Variants in DYNC2I1 observed in about 807,000 individuals in gnomAD.
DYNC2I1 encodes the protein dynein 2 intermediate chain 1, also known as cytoplasmic dynein 2 intermediate chain 1.
A neutral mutation model predicts 133.4 loss-of-function variants in DYNC2I1; 89 were observed. That is an observed-to-expected ratio of 0.67 (90% CI 0.56 to 0.80). DYNC2I1 has a LOEUF of 0.80. Among genes scored for constraint, DYNC2I1 ranks in the 30% least tolerant of loss-of-function variants. DYNC2I1 has a pLI of 0.00. For synonymous variants in DYNC2I1, 504 were observed against 484.3 expected (o/e 1.04, Z -0.54); for missense variants, 1,291 against 1,314.5 (o/e 0.98, Z 0.28).
Position 158,930,504 on chromosome 7 carries a change from G to C in DYNC2I1, c.2535G>C (p.Gln845His), listed in dbSNP as rs1010671135. 1.7e-5 allele frequency: 27 copies of C among 1,612,738 alleles called. No individual in the cohort carries two copies. Among genetic ancestry groups the C allele is most frequent in the Non-Finnish European group, 2.2e-5 (26 of 1,179,512 alleles). Residue 845 changes from glutamine to histidine, a missense_variant, in exon 21 of 25, where the codon CAG (glutamine) becomes CAC (histidine). Transcript: ENST00000407559. ...AGCTGGTACATAGTGCTCTGATCCA[G>C]TTGGGTGACAGGTAAGATGTGAGGG... ...RVKLVHSALI[Q>H]LGDSLSHKGN...
intron 11 of DYNC2I1, among the ~76,000 whole-genome samples, chr7:158,910,114 A>G (rs138319839): frequency 1.1e-4 from 16 of 152,380 alleles, no homozygotes; most frequent in Non-Finnish European, 1.8e-4. Flanking sequence ...TTTATATCCC[A>G]GTGAGGAGTA....
chr7:158,916,199 A>G (rs1391365138), intron 14 of DYNC2I1, among the ~76,000 whole-genome samples: 15 of 82,602 alleles, frequency 1.8e-4, no homozygotes. Context: ...GACATTAAGG[A>G]TGATTGTGAA....
Position 158,906,001 on chromosome 7 carries a change from C to G in DYNC2I1, c.1370C>G (p.Ser457Cys), listed in dbSNP as rs144444098. 2 of 1,613,482 alleles carry G rather than the reference C, an allele frequency of 1.2e-6. No individual in the cohort carries two copies. The highest frequency in any genetic ancestry group is 1.3e-5 in the African/African-American group (1 of 74,900). The stretch of plus-strand genomic sequence containing the variant: ...CTCCCTCACACAGATACAAACAGTT[C>G]CCCTTCCAGAGCCTCTGTTTGTGGA... ...EKEPRTDTNS[S>C]PSRASVCGIF... The change falls in exon 11 of 25, where the codon TCC (serine) becomes TGC (cysteine). Residue 457 changes from serine (S) to cysteine (C), a missense_variant. Ser to Cys is a moderately radical substitution (Grantham distance 112). Transcript: ENST00000407559.
chr7:158,927,202 G>C (rs1849709480), intron 20 of DYNC2I1, among the ~76,000 whole-genome samples, 159 bp downstream of exon 20: 1 of 152,034 alleles, frequency 6.6e-6, no homozygotes, highest in South Asian at 2.1e-4. Context: ...AGGAGTTCCA[G>C]ACCAGCCTGG....
intron 5 of DYNC2I1, among the ~76,000 whole-genome samples, chr7:158,881,547 A>G (rs1020116962): frequency 3.3e-5 from 5 of 152,080 alleles, no homozygotes; most frequent in African/African-American, 9.6e-5. Flanking sequence ...TTGGCCTCCC[A>G]GGTTCACGCC....
chr7:158,850,307 C>T, the DYNC2I1 span, among the ~76,000 whole-genome samples: 46 of 152,312 alleles, frequency 3.0e-4, no homozygotes, highest in African/African-American at 1.0e-3. Context: ...TACAGTTGCA[C>T]GTCCAGCTGC....
chr7:158,855,819 T>C (rs1267134315), upstream of DYNC2I1, among the ~76,000 whole-genome samples: 2 of 152,210 alleles, frequency 1.3e-5, no homozygotes, highest in African/African-American at 4.8e-5. Context: ...TTACGTGTTG[T>C]ATAAAAACAG....
rs200716171 is a variant in DYNC2I1, at chr7:158,883,209, TTTC to T, written c.880-1346_880-1344del. On this transcript the variant is annotated intron_variant, in intron 5 of 24. Transcript: ENST00000407559. ...CTCTCACTTTCTCTATATGATATTT[TTTC>T]TTCTTCTTTTTTTTTTTTTTTTTGA... Among the ~76,000 whole-genome samples, 107 of 150,518 alleles carry T rather than the reference TTTC, an allele frequency of 7.1e-4. No individual in the cohort carries two copies. In the East Asian group the frequency reaches 0.015, roughly 21 times the overall value.
At chr7:158,932,946 G>A (rs1315970001) in intron 21 of DYNC2I1, among the ~76,000 whole-genome samples, 2 of 152,334 alleles carry the variant, frequency 1.3e-5, no homozygotes, top group African/African-American at 2.4e-5. Context: ...ATAGGAGCAG[G>A]GAGGGTTGGG....
At chr7:158,922,023 A>G (rs1399322545) in intron 15 of DYNC2I1, among the ~76,000 whole-genome samples, 1 of 152,126 alleles carries the variant, frequency 6.6e-6, no homozygotes, top group Non-Finnish European at 1.5e-5. Context: ...TGTATTAGCA[A>G]TGTTCTAAAG....
At chr7:158,861,840 G>A (rs949707877) in intron 1 of DYNC2I1, among the ~76,000 whole-genome samples, 7 of 152,150 alleles carry the variant, frequency 4.6e-5, no homozygotes, top group African/African-American at 7.2e-5. Flanking sequence ...AGTTTTCTTC[G>A]TTACCGTTTT....
intron 24 of DYNC2I1, among the ~76,000 whole-genome samples, chr7:158,944,234 G>C (rs1851664030): frequency 6.6e-6 from 1 of 152,102 alleles, no homozygotes. Context: ...GAGCCTTGTG[G>C]TGGCTCAGTG....
At chr7:158,955,120 G>A (rs933708704) in intron 4 of DYNC2I1, among the ~76,000 whole-genome samples, 2 of 152,252 alleles carry the variant, frequency 1.3e-5, no homozygotes, top group Non-Finnish European at 2.9e-5. Context: ...GAAGAGGCAC[G>A]TTGAAACATT....
At chr7:158,906,549 C>G (rs754526332) in intron 11 of DYNC2I1, among the ~76,000 whole-genome samples, 1 of 152,244 alleles carries the variant, frequency 6.6e-6, no homozygotes, top group African/African-American at 2.4e-5. Flanking sequence ...ACCTCTGCCT[C>G]CCGGGTTCAA....
intron 23 of DYNC2I1, among the ~76,000 whole-genome samples, chr7:158,937,420 A>T (rs559494635): frequency 6.6e-6 from 1 of 151,198 alleles, no homozygotes; most frequent in East Asian, 2.0e-4. Context: ...AGGTCAGGAG[A>T]TCGAGAGCAT....
chr7:158,854,858 C>T (rs1378974723), upstream of DYNC2I1, among the ~76,000 whole-genome samples: 2 of 152,188 alleles, frequency 1.3e-5, no homozygotes, highest in African/African-American at 2.4e-5. Context: ...TTACAATTGG[C>T]GTGTCTTTGT....
At chr7:158,952,016 A>G (rs1852069022) in intron 4 of DYNC2I1, among the ~76,000 whole-genome samples, 1 of 152,162 alleles carries the variant, frequency 6.6e-6, no homozygotes, top group Admixed American at 6.5e-5. Context: ...CAAACCTCAC[A>G]GGCGTGCATC....
intron 8 of DYNC2I1, among the ~76,000 whole-genome samples, chr7:158,896,079 G>A (rs1845733719): frequency 6.6e-6 from 1 of 151,982 alleles, no homozygotes; most frequent in Non-Finnish European, 1.5e-5. Context: ...TTCCCAATCA[G>A]TATACTTTTT....
chr7:158,869,638 A>C (rs1037416046), intron 1 of DYNC2I1: 1 of 562,778 alleles, frequency 1.8e-6, no homozygotes, highest in African/African-American at 1.9e-5. Context: ...GAAGTAGCCA[A>C]AGGAACACAT....
Sources: gnomAD v4.1 joint callset for allele counts (sites outside exome capture counted in the v4.1 genomes callset) on GRCh38, gnomAD v4.1.1 for gene constraint, MANE v1.5 for transcripts, NCBI Gene and HGNC (gene_info 2026-07-23, HGNC 2026-07-21) for gene names.